Variants in CCR6 observed in about 807,000 individuals in gnomAD.
CCR6 encodes the protein C-C motif chemokine receptor 6.
A neutral mutation model predicts 3.0 loss-of-function variants in CCR6; 2 were observed. That is an observed-to-expected ratio of 0.66 (90% CI 0.27 to 2.07). CCR6 has a LOEUF of 2.07. Ranked by LOEUF, CCR6 falls within the 30% of genes most tolerant of loss-of-function variation. The pLI, the probability that CCR6 is intolerant of heterozygous loss-of-function variation, is 0.14. For missense variants in CCR6, 322 were observed against 462.8 expected, an observed-to-expected ratio of 0.70 and a Z score of 2.79; for synonymous variants, 193 against 184.3, an observed-to-expected ratio of 1.05 and a Z score of -0.38.
chr6:167,112,554 A>G lies in CCR6; in HGVS notation c.-98+540A>G, dbSNP rs987213643. Among the ~76,000 whole-genome samples the G allele has an allele frequency of 3.9e-5, 6 of 152,188 alleles. No individual in the cohort carries two copies. In the East Asian group the frequency reaches 1.2e-3, roughly 29 times the overall value. On this transcript the variant is annotated intron_variant, in intron 1 of 2. Coordinates refer to the CCR6 transcript ENST00000400926. ...GAAGAAATGCAGATCCCACAGACCA[A>G]AATGGAACATGTCTCCCAAACTTCT...
intron 1 of CCR6, among the ~76,000 whole-genome samples, chr6:167,134,039 T>C (rs1781813055): frequency 1.3e-5 from 2 of 150,188 alleles, no homozygotes. Context: ...TCACCTCCCA[T>C]GCCCTCCACC....
At chr6:167,121,640 A>G (rs1781588860), upstream of CCR6, 1 of 152,612 alleles carries the variant, frequency 6.6e-6, no homozygotes, top group South Asian at 2.1e-4. Flanking sequence ...TCGCCATCCA[A>G]TAATCAGCAG....
Position 167,137,320 on chromosome 6 carries a change from G to A in CCR6, c.1090G>A (p.Ala364Thr), listed in dbSNP as rs145112098. 2.0e-4 allele frequency: 320 copies of A among 1,613,478 alleles called. 2 individuals carry two copies. The highest frequency in any genetic ancestry group is 5.1e-4 in the Middle Eastern group (3 of 5,908). ...ENISRQTSET[A>T]DNDNASSFTM Reference sequence around the variant, plus strand: ...CATTTCTCGGCAGACCAGTGAGACCGCAGATAACGACAATGCGTCGTCCTT... The same window carrying A: ...CATTTCTCGGCAGACCAGTGAGACCACAGATAACGACAATGCGTCGTCCTT... The change falls in exon 3 of 3, where the codon GCA (alanine) becomes ACA (threonine). Residue 364 changes from alanine (A) to threonine (T), a missense_variant. Ala to Thr is a moderately conservative substitution (Grantham distance 58). Transcript: ENST00000341935. This position sits in a 1 kb window ranked among gnomAD's most constrained non-coding sequence, Gnocchi z 4.6.
intron 1 of CCR6, chr6:167,127,244 T>C (rs899154236): frequency 6.6e-6 from 1 of 152,198 alleles, no homozygotes; most frequent in Non-Finnish European, 1.5e-5. Flanking sequence ...TTGGAACTCC[T>C]GGCCTCAAAA....
chr6:167,117,019 C>G (rs1781503774), intron 1 of CCR6: 1 of 152,320 alleles, frequency 6.6e-6, no homozygotes, highest in South Asian at 2.1e-4. Flanking sequence ...TCCTGTCGTC[C>G]TCCTGTGGCG....
At chr6:167,127,783 G>C (rs1027986115) in intron 1 of CCR6, among the ~76,000 whole-genome samples, 1 of 152,178 alleles carries the variant, frequency 6.6e-6, no homozygotes, top group African/African-American at 2.4e-5. Context: ...TTACAGGTGT[G>C]AGCCACTGTG....
chr6:167,123,675 G>A (rs1253602031), intron 1 of CCR6, among the ~76,000 whole-genome samples: 1 of 152,236 alleles, frequency 6.6e-6, no homozygotes, highest in Admixed American at 6.5e-5. Flanking sequence ...TGAGCAGGAA[G>A]GAGCTTGTGA....
intron 1 of CCR6, among the ~76,000 whole-genome samples, chr6:167,117,522 T>C (rs538307815): frequency 1.6e-4 from 24 of 146,334 alleles, no homozygotes; most frequent in Admixed American, 1.5e-3. Context: ...GTTCACGCCA[T>C]TCTCCTGCCT....
chr6:167,111,963 G>C (rs181845376), exon 1 of CCR6: 1 of 152,386 alleles, frequency 6.6e-6, no homozygotes, highest in East Asian at 1.9e-4. Flanking sequence ...TGACATTTAA[G>C]AGAAAAAACT....
intron 1 of CCR6, among the ~76,000 whole-genome samples, chr6:167,117,415 C>CT (rs35058463): frequency 0.077 from 8,443 of 109,954 alleles, 785 homozygotes; most frequent in African/African-American, 0.16. Context: ...TTTTTTTTTT[C>CT]TTTTTTTTTT....
At chr6:167,112,670 A>T (rs768634970) in intron 1 of CCR6, among the ~76,000 whole-genome samples, 9 of 152,008 alleles carry the variant, frequency 5.9e-5, no homozygotes, top group Non-Finnish European at 1.0e-4. Flanking sequence ...TTGTGCAGGG[A>T]GGTTGGGATG....
chr6:167,133,970 A>ATATATATAT (rs1781811612), intron 1 of CCR6, among the ~76,000 whole-genome samples: 6 of 134,132 alleles, frequency 4.5e-5, no homozygotes, highest in African/African-American at 1.7e-4. Flanking sequence ...ATATATATAT[A>ATATATATAT]GTTTTAACAT....
At chr6:167,135,564 C>T (rs766692402) in intron 1 of CCR6, among the ~76,000 whole-genome samples, 2 of 152,172 alleles carry the variant, frequency 1.3e-5, no homozygotes, top group South Asian at 2.1e-4. Context: ...ATTTAAAGCC[C>T]GGGACTATGA....
At chr6:167,120,452 C>A (rs1781568737), upstream of CCR6, among the ~76,000 whole-genome samples, 1 of 152,128 alleles carries the variant, frequency 6.6e-6, no homozygotes, top group African/African-American at 2.4e-5. Flanking sequence ...TGTGCCATGG[C>A]CTCCAGTGTG....
intron 1 of CCR6, among the ~76,000 whole-genome samples, chr6:167,125,514 C>A (rs1344465222): frequency 1.3e-5 from 2 of 152,212 alleles, no homozygotes; most frequent in African/African-American, 4.8e-5. Context: ...TGTGGCTACC[C>A]ACCTCTTCTG....
At chr6:167,135,631 G>C (rs964075682) in intron 1 of CCR6, among the ~76,000 whole-genome samples, 3 of 152,202 alleles carry the variant, frequency 2.0e-5, no homozygotes, top group African/African-American at 7.2e-5. Context: ...GTAAAATCTT[G>C]TTGAATGTTT....
In CCR6 at chr6:167,127,628, C is replaced by G. The variant is rs376407788; in HGVS notation, c.-98+4405C>G. ...TCTTCAAAGCAGACATCCATAGGAT[C>G]TATAGATCTTACCTAATGTCAAACT... On this transcript the variant is annotated intron_variant, in intron 1 of 2. Coordinates refer to ENST00000341935, the MANE Select transcript of CCR6 (RefSeq NM_031409.4). Among the ~76,000 whole-genome samples, 26 of 152,172 alleles carry G rather than the reference C, an allele frequency of 1.7e-4. 1 individual carries two copies. The highest frequency in any genetic ancestry group is 1.2e-3 in the Admixed American group (19 of 15,278).
chr6:167,130,984 T>TC (rs1562559633), intron 1 of CCR6, among the ~76,000 whole-genome samples: 20 of 24,102 alleles, frequency 8.3e-4, no homozygotes, highest in East Asian at 3.7e-3. Flanking sequence ...CCACCCTCCC[T>TC]CTGGACCCCC....
upstream of CCR6, among the ~76,000 whole-genome samples, chr6:167,118,791 T>C (rs1781540153): frequency 6.6e-6 from 1 of 152,194 alleles, no homozygotes; most frequent in Non-Finnish European, 1.5e-5. Context: ...TGAGGAGGAC[T>C]ATGACAACCC....
Sources: allele counts gnomAD v4.1 joint callset (sites outside exome capture counted in the v4.1 genomes callset), GRCh38; gene constraint gnomAD v4.1.1; non-coding constraint Gnocchi (gnomAD v3.1); transcripts MANE v1.5; gene names NCBI Gene and HGNC (gene_info 2026-07-23, HGNC 2026-07-21).